The following LHFPL3 variants were observed in gnomAD, a reference collection of about 807,000 sequenced individuals.
LHFPL3 encodes the protein LHFPL tetraspan subfamily member 3 protein.
LHFPL3 carries 5 observed loss-of-function variants against 19.3 expected under a neutral mutation model. The ratio of observed to expected loss-of-function variants is 0.26; its 90% CI spans 0.14 to 0.54. The LOEUF (loss-of-function observed/expected upper bound fraction) is 0.54. Among genes scored for constraint, LHFPL3 ranks in the 20% least tolerant of loss-of-function variants. The pLI is 0.94. For missense variants in LHFPL3, 249 were observed against 307.4 expected (o/e 0.81, Z 1.42); for synonymous variants, 133 against 126.2 (o/e 1.05, Z -0.36).
intron 1 of LHFPL3, among the ~76,000 whole-genome samples, chr7:104,413,490 G>A (rs1482897728): frequency 6.6e-6 from 1 of 152,134 alleles, no homozygotes; most frequent in African/African-American, 2.4e-5. Context: ...ACAACCCTAT[G>A]GAGAGATGCT....
At chr7:104,780,424 C>G (rs550837342) in intron 2 of LHFPL3, among the ~76,000 whole-genome samples, 2 of 152,338 alleles carry the variant, frequency 1.3e-5, no homozygotes, top group South Asian at 2.1e-4. Context: ...CCCCACTTCT[C>G]TAGCCCTGCC....
chr7:104,462,329 C>T (rs1792682508), intron 1 of LHFPL3, among the ~76,000 whole-genome samples: 1 of 152,000 alleles, frequency 6.6e-6, no homozygotes. Context: ...CCAGTGCTTC[C>T]AGCTTTTCCC....
At chr7:104,584,699 T>C (rs1396883497) in intron 1 of LHFPL3, among the ~76,000 whole-genome samples, 1 of 152,102 alleles carries the variant, frequency 6.6e-6, no homozygotes, top group Non-Finnish European at 1.5e-5. Context: ...TTAGAACGAA[T>C]GCATTTTCTT....
chr7:104,824,920 A>AAG (rs1197895084), intron 2 of LHFPL3, among the ~76,000 whole-genome samples: 1 of 139,752 alleles, frequency 7.2e-6, no homozygotes, highest in East Asian at 2.0e-4. Context: ...ATAATTTTAT[A>AAG]ATATATATAC....
intron 1 of LHFPL3, among the ~76,000 whole-genome samples, chr7:104,467,801 G>A (rs747142319): frequency 1.3e-5 from 2 of 152,174 alleles, no homozygotes; most frequent in African/African-American, 4.8e-5. Flanking sequence ...TGGATACCAA[G>A]TCATTTGGTT....
intron 1 of LHFPL3, among the ~76,000 whole-genome samples, chr7:104,368,883 A>G (rs1790552358): frequency 6.6e-6 from 1 of 152,224 alleles, no homozygotes; most frequent in Non-Finnish European, 1.5e-5. Context: ...TTGTGGTAGG[A>G]CAAAGTAATA....
intron 2 of LHFPL3, among the ~76,000 whole-genome samples, chr7:104,768,375 C>T (rs1185070958): frequency 6.6e-6 from 1 of 152,124 alleles, no homozygotes; most frequent in Non-Finnish European, 1.5e-5. Flanking sequence ...ACATCACACT[C>T]CCATCTCCAG....
chr7:104,554,994 C>G (rs1794736661), intron 1 of LHFPL3, among the ~76,000 whole-genome samples: 1 of 152,188 alleles, frequency 6.6e-6, no homozygotes, highest in Admixed American at 6.5e-5. Context: ...AGCAAATTCA[C>G]ATTTCCTCTG....
intron 2 of LHFPL3, among the ~76,000 whole-genome samples, chr7:104,865,552 C>A (rs573645639): frequency 6.6e-6 from 1 of 152,116 alleles, no homozygotes; most frequent in East Asian, 1.9e-4. Flanking sequence ...ATGAACAAAG[C>A]CTCCAAGAAA....
chr7:104,836,547 G>A (rs1275644530), intron 2 of LHFPL3, among the ~76,000 whole-genome samples: 2 of 152,184 alleles, frequency 1.3e-5, no homozygotes, highest in Non-Finnish European at 1.5e-5. Flanking sequence ...TGTGCTCTTA[G>A]GAAGTAACAG....
chr7:104,394,273 A>G (rs1791139331), intron 1 of LHFPL3, among the ~76,000 whole-genome samples: 2 of 152,170 alleles, frequency 1.3e-5, no homozygotes, highest in South Asian at 4.1e-4. Context: ...GAGATTCATC[A>G]TTTCTAACAA....
chr7:104,454,448 T>C (rs961374546), intron 1 of LHFPL3, among the ~76,000 whole-genome samples: 3 of 152,196 alleles, frequency 2.0e-5, no homozygotes, highest in Non-Finnish European at 2.9e-5. Flanking sequence ...TGCTAGTCCC[T>C]ACTTGAGTTA....
At chr7:104,886,962 G>A (rs1389526858) in intron 2 of LHFPL3, among the ~76,000 whole-genome samples, 1 of 152,198 alleles carries the variant, frequency 6.6e-6, no homozygotes, top group Admixed American at 6.5e-5. Flanking sequence ...GACTAATGTG[G>A]CTTCACAAAG....
At chr7:104,461,152 T>C (rs892057052) in intron 1 of LHFPL3, among the ~76,000 whole-genome samples, 1 of 152,172 alleles carries the variant, frequency 6.6e-6, no homozygotes, top group African/African-American at 2.4e-5. Flanking sequence ...TTTCTTCACA[T>C]GCTGGCAGGA....
At chr7:104,497,257 A>C (rs1026873406) in intron 1 of LHFPL3, among the ~76,000 whole-genome samples, 1 of 151,538 alleles carries the variant, frequency 6.6e-6, no homozygotes, top group South Asian at 2.1e-4. Flanking sequence ...AAATTTACCC[A>C]GTAAAGAAGA....
intron 1 of LHFPL3, among the ~76,000 whole-genome samples, chr7:104,522,901 G>T (rs541156645): frequency 4.6e-4 from 70 of 152,198 alleles, no homozygotes; most frequent in African/African-American, 1.6e-3. Context: ...AGGTAGACCA[G>T]GCTGCTTAGC....
rs572697761 is a variant in LHFPL3 at position 104,777,480 on chromosome 7, G to C, written c.682+40569G>C. Among the ~76,000 whole-genome samples the C allele has an allele frequency of 3.3e-5, 5 of 152,340 alleles. No individual in the cohort carries two copies. In the East Asian group the frequency reaches 9.6e-4, roughly 29 times the overall value. The stretch of plus-strand genomic sequence containing the variant: ...ACCCAGCTCTCAGGCAATGCTGTCA[G>C]CCCAGAGTCTGATTGGACTAAGGAG... On this transcript the variant is annotated intron_variant, in intron 2 of 2. Transcript: ENST00000424859.
intron 1 of LHFPL3, among the ~76,000 whole-genome samples, chr7:104,380,384 G>T (rs1348854253): frequency 1.3e-5 from 2 of 152,094 alleles, no homozygotes; most frequent in Non-Finnish European, 2.9e-5. Context: ...ATGGTAACTG[G>T]TATTTCTGCA....
intron 2 of LHFPL3, among the ~76,000 whole-genome samples, chr7:104,813,847 T>C (rs1300268504): frequency 6.6e-6 from 1 of 152,208 alleles, no homozygotes; most frequent in East Asian, 1.9e-4. Flanking sequence ...GAAGGAGTCA[T>C]AGCCCTGACT....
Sources: allele counts gnomAD v4.1 joint callset (sites outside exome capture counted in the v4.1 genomes callset), GRCh38; gene constraint gnomAD v4.1.1; transcripts MANE v1.5; gene names NCBI Gene and HGNC (gene_info 2026-07-23, HGNC 2026-07-21).